The following ATP11A variants were observed in gnomAD, a reference collection of about 807,000 sequenced individuals.
The protein encoded by ATP11A is phospholipid-transporting ATPase IH.
Under a neutral mutation model 154.4 loss-of-function variants are expected in ATP11A, and 81 were observed. The observed-to-expected ratio is 0.52, with a 90% CI of 0.44 to 0.63. The LOEUF is 0.63. ATP11A is among the 30% of genes least tolerant of loss of function. The pLI, the probability that ATP11A is intolerant of heterozygous loss-of-function variation, is 0.00. For synonymous variants in ATP11A, 623 were observed against 585.9 expected (o/e 1.06, Z -0.91); for missense variants, 1,316 against 1,474.3 (o/e 0.89, Z 1.76).
chr13:112,699,684 T>C (rs1005822921), intron 1 of ATP11A, among the ~76,000 whole-genome samples: 2 of 152,240 alleles, frequency 1.3e-5, no homozygotes, highest in Admixed American at 6.5e-5. Flanking sequence ...ATGATGTCAT[T>C]GGTGGAGGCC....
At chr13:112,723,913 C>A (rs865784992) in intron 1 of ATP11A, among the ~76,000 whole-genome samples, 2 of 152,126 alleles carry the variant, frequency 1.3e-5, no homozygotes, top group African/African-American at 4.8e-5. Context: ...TTCCCGGGAA[C>A]GCTCGTGTCA....
At chr13:112,739,707 C>T (rs1891340296) in intron 1 of ATP11A, among the ~76,000 whole-genome samples, 1 of 152,218 alleles carries the variant, frequency 6.6e-6, no homozygotes, top group Admixed American at 6.5e-5. Context: ...TTCATCATAG[C>T]CAAAGAGCGG....
chr13:112,858,057 G>C, intron 21 of ATP11A, 88 bp from the exon 22 acceptor site: 1 of 1,580,480 alleles, frequency 6.3e-7, no homozygotes, highest in Non-Finnish European at 8.6e-7. Context: ...GGCTCATGAT[G>C]ATGGTTTCAT....
In ATP11A at chr13:112,832,846, C is replaced by T. The variant is rs770683636; in HGVS notation, c.1396-14C>T. The T allele has an allele frequency of 6.2e-7, 1 of 1,610,200 alleles. No homozygotes were observed. On this transcript the variant is annotated splice_polypyrimidine_tract_variant and intron_variant, in intron 13 of 29. Transcript: ENST00000375645. Reference sequence around the variant, plus strand: ...CACCGTGATTTGGGGGTTCTGGGAACTGCTTTTTTATAGGAGCGCGAGGAG... The same window carrying T: ...CACCGTGATTTGGGGGTTCTGGGAATTGCTTTTTTATAGGAGCGCGAGGAG...
chr13:112,761,073 T>G (rs1405801115), intron 1 of ATP11A, among the ~76,000 whole-genome samples: 2 of 152,236 alleles, frequency 1.3e-5, no homozygotes, highest in Non-Finnish European at 2.9e-5. Context: ...CTCCAGGGAC[T>G]GAACCCTCCC....
chr13:112,849,716 T>C (rs1373238658), intron 17 of ATP11A, among the ~76,000 whole-genome samples: 1 of 152,242 alleles, frequency 6.6e-6, no homozygotes, highest in African/African-American at 2.4e-5. Context: ...GTTTTGGCTG[T>C]GTGCCAGGGA....
chr13:112,830,028 T>C (rs538713997), intron 12 of ATP11A, among the ~76,000 whole-genome samples: 1 of 152,374 alleles, frequency 6.6e-6, no homozygotes. Flanking sequence ...AGCTTTTGTT[T>C]CCACGTTCTT....
At chr13:112,711,171 T>A (rs1028812372) in intron 1 of ATP11A, among the ~76,000 whole-genome samples, 24 of 152,216 alleles carry the variant, frequency 1.6e-4, no homozygotes, top group Non-Finnish European at 2.9e-4. Flanking sequence ...CTTCCGACTT[T>A]TCATCATGCT....
chr13:112,800,003 CTT>C (rs2078091719), intron 2 of ATP11A, among the ~76,000 whole-genome samples: 1 of 152,086 alleles, frequency 6.6e-6, no homozygotes, highest in Non-Finnish European at 1.5e-5. Context: ...AAAAATATAA[CTT>C]ATCAAATCTT....
intron 12 of ATP11A, among the ~76,000 whole-genome samples, chr13:112,829,798 C>T (rs1376456212): frequency 6.6e-6 from 1 of 152,204 alleles, no homozygotes; most frequent in Non-Finnish European, 1.5e-5. Flanking sequence ...AGCCTAAAGA[C>T]TCCACCAAAA....
At chr13:112,766,810 A>C (rs149123337) in intron 1 of ATP11A, among the ~76,000 whole-genome samples, 4,067 of 82,442 alleles carry the variant, frequency 0.049, 150 homozygotes, top group Non-Finnish European at 0.07. Context: ...GTTGGGGGCC[A>C]CTGTGGGAAG....
At position 112,690,787 on chromosome 13, in the gene ATP11A, CG is replaced by C. The variant is rs1420210410; in HGVS notation, c.39+334del. Among the ~76,000 whole-genome samples, 1 of 152,070 alleles carries C rather than the reference CG, an allele frequency of 6.6e-6. No homozygotes were observed. The highest frequency in any genetic ancestry group is 1.5e-5 in the Non-Finnish European group (1 of 67,986). The stretch of plus-strand genomic sequence containing the variant: ...CTGGCTGGGGTTCGAGCTGTCCCGG[CG>C]GACCGGGCGCCCGGAGGGAGCCAAC... On this transcript the variant is annotated intron_variant, in intron 1 of 29. Coordinates refer to ENST00000375645, the MANE Select transcript of ATP11A (RefSeq NM_015205.3). The surrounding 1 kb of genome is among the most constrained non-coding windows in gnomAD (Gnocchi z 5.6).
At chr13:112,835,200 G>C (rs1420056258) in intron 15 of ATP11A, among the ~76,000 whole-genome samples, 1 of 152,228 alleles carries the variant, frequency 6.6e-6, no homozygotes, top group African/African-American at 2.4e-5. Flanking sequence ...TTTAGGGACT[G>C]TCTCTGTCCC....
At chr13:112,876,786 G>A (rs1352642874) in intron 28 of ATP11A, among the ~76,000 whole-genome samples, 1 of 152,162 alleles carries the variant, frequency 6.6e-6, no homozygotes, top group Non-Finnish European at 1.5e-5. Flanking sequence ...GAGTGAGTGG[G>A]GGCCGGGGCC....
At position 112,884,430 on chromosome 13, in the gene ATP11A, C is replaced by G. The variant is rs1391529106; in HGVS notation, c.*2564C>G. Reference sequence around the variant, plus strand: ...GTGAAAGTCACTAAACTTTTACACACTCCCAAACGTCTTTTTAAAAATTGC... The same window carrying G: ...GTGAAAGTCACTAAACTTTTACACAGTCCCAAACGTCTTTTTAAAAATTGC... On this transcript the variant is annotated 3_prime_UTR_variant, in exon 30 of 30. Coordinates refer to ENST00000375645, the MANE Select transcript of ATP11A (RefSeq NM_015205.3). 1 of 152,460 alleles carries G rather than the reference C, an allele frequency of 6.6e-6. No homozygotes were observed. The highest frequency in any genetic ancestry group is 1.9e-4 in the East Asian group (1 of 5,194). 9.4% of individuals were successfully genotyped at this position (152,460 alleles called of 1,614,324 possible).
intron 1 of ATP11A, among the ~76,000 whole-genome samples, chr13:112,741,525 C>T (rs1372147402): frequency 6.6e-6 from 1 of 152,188 alleles, no homozygotes; most frequent in Non-Finnish European, 1.5e-5. Flanking sequence ...TGGGCTGCTC[C>T]AGGCTGCCCG....
At chr13:112,701,115 T>C (rs1886470927) in intron 1 of ATP11A, among the ~76,000 whole-genome samples, 1 of 152,136 alleles carries the variant, frequency 6.6e-6, no homozygotes, top group Non-Finnish European at 1.5e-5. Context: ...CACCCGAATA[T>C]GTGGAATACA....
chr13:112,781,208 AT>A (rs1309099070), intron 1 of ATP11A, among the ~76,000 whole-genome samples: 3 of 148,492 alleles, frequency 2.0e-5, no homozygotes, highest in Admixed American at 6.7e-5. Flanking sequence ...TAATTTTTGT[AT>A]TTTTTTTTTC....
At chr13:112,766,114 T>C (rs1211976133) in intron 1 of ATP11A, among the ~76,000 whole-genome samples, 4 of 152,018 alleles carry the variant, frequency 2.6e-5, no homozygotes, top group Non-Finnish European at 4.4e-5. Context: ...GGAGACGGAC[T>C]TCTTATTCTT....
Sources: gnomAD v4.1 joint callset for allele counts (sites outside exome capture counted in the v4.1 genomes callset) on GRCh38, gnomAD v4.1.1 for gene constraint, Gnocchi (gnomAD v3.1) non-coding constraint, MANE v1.5 for transcripts, NCBI Gene and HGNC (gene_info 2026-07-23, HGNC 2026-07-21) for gene names.